Variants in PCDHGB5 observed in about 807,000 individuals in gnomAD.
The protein encoded by PCDHGB5 is protocadherin gamma-B5.
In PCDHGB5, 48 loss-of-function variants were observed where a neutral mutation model predicts 62.9. The ratio of observed to expected loss-of-function variants is 0.76; its 90% confidence interval spans 0.61 to 0.97. The LOEUF (loss-of-function observed/expected upper bound fraction) is 0.97, where lower values mean the gene tolerates loss of function less well. Among genes scored for constraint, PCDHGB5 ranks in the 50% least tolerant of loss-of-function variants. The pLI, the probability that PCDHGB5 is intolerant of heterozygous loss-of-function variation, is 0.00. For missense variants in PCDHGB5, 1,118 were observed against 1,198.6 expected (o/e 0.93, Z 0.99); for synonymous variants, 474 against 511.2 (o/e 0.93, Z 0.98).
chr5:141,460,766 A>G (rs1370331016), intron 1 of PCDHGB5, among the ~76,000 whole-genome samples: 1 of 152,056 alleles, frequency 6.6e-6, no homozygotes, highest in Non-Finnish European at 1.5e-5. Flanking sequence ...TACATATTGC[A>G]TATGTATGTA....
At chr5:141,478,498 G>T in intron 1 of PCDHGB5, 1 of 1,612,710 alleles carries the variant, frequency 6.2e-7, no homozygotes, top group South Asian at 1.1e-5. Context: ...GCTGTGATCC[G>T]GTGTTCTATA....
At chr5:141,408,557 G>A in intron 1 of PCDHGB5, 6 of 1,614,046 alleles carry the variant, frequency 3.7e-6, no homozygotes, top group Non-Finnish European at 5.1e-6. Flanking sequence ...TATTTTTCAT[G>A]TCATTGTGGT....
chr5:141,502,500 G>C (rs1398797155), intron 2 of PCDHGB5, among the ~76,000 whole-genome samples: 1 of 152,046 alleles, frequency 6.6e-6, no homozygotes, highest in Non-Finnish European at 1.5e-5. Flanking sequence ...ATCTAACGTC[G>C]GCCTGTCCCA....
Position 141,431,711 on chromosome 5 carries a change from G to T in PCDHGB5, c.2397+31187G>T. On this transcript the variant is annotated intron_variant, in intron 1 of 3. Coordinates refer to ENST00000617380, the MANE Select transcript of PCDHGB5 (RefSeq NM_018925.3). This position sits in a 1 kb window ranked among gnomAD's most constrained non-coding sequence, Gnocchi z 4.8. ...CGAGGAGTCAGGATTCTACCAGATG[G>T]AAGTGCAAGCAATGGATAATGCAGG... 1 of 1,614,230 alleles carries T rather than the reference G, an allele frequency of 6.2e-7. No homozygotes were observed. The highest frequency in any genetic ancestry group is 1.1e-5 in the South Asian group (1 of 91,092).
In PCDHGB5 at chr5:141,476,962, C is replaced by A. The variant is rs2099402286; in HGVS notation, c.2398-17845C>A. On this transcript the variant is annotated intron_variant, in intron 1 of 3. Coordinates refer to ENST00000617380, the MANE Select transcript of PCDHGB5 (RefSeq NM_018925.3). This position sits in a 1 kb window ranked among gnomAD's most constrained non-coding sequence, Gnocchi z 7.6. ...GCCCCAACGGTGAAATTATTTACTCCTTCGGCAGCCACAACCGCGCCGGCG... is the reference window on the plus strand; with the variant it reads ...GCCCCAACGGTGAAATTATTTACTCATTCGGCAGCCACAACCGCGCCGGCG... 2 of 1,614,200 alleles carry A rather than the reference C, an allele frequency of 1.2e-6. No individual in the cohort carries two copies. The highest frequency in any genetic ancestry group is 1.7e-6 in the Non-Finnish European group (2 of 1,180,042).
At chr5:141,458,172 T>C (rs1023447659) in intron 1 of PCDHGB5, among the ~76,000 whole-genome samples, 2 of 152,216 alleles carry the variant, frequency 1.3e-5, no homozygotes, top group African/African-American at 4.8e-5. Flanking sequence ...CACAGTAGTA[T>C]ACCTTACTTG....
intron 1 of PCDHGB5, among the ~76,000 whole-genome samples, chr5:141,474,243 G>GA (rs1161758975): frequency 2.6e-5 from 4 of 152,050 alleles, no homozygotes; most frequent in Admixed American, 1.3e-4. Context: ...CTGAATAGGG[G>GA]AAAAAAAGAC....
chr5:141,414,472 A>G (rs1039987036), intron 1 of PCDHGB5: 1 of 1,613,914 alleles, frequency 6.2e-7, no homozygotes, highest in African/African-American at 1.3e-5. Flanking sequence ...AGATGGGGGA[A>G]GTCCTCCTCT....
At chr5:141,438,741 A>T (rs1184994731) in intron 1 of PCDHGB5, among the ~76,000 whole-genome samples, 3 of 148,914 alleles carry the variant, frequency 2.0e-5, no homozygotes, top group South Asian at 2.1e-4. Context: ...AGCTCACTGC[A>T]ACCTCTGCCT....
intron 1 of PCDHGB5, among the ~76,000 whole-genome samples, chr5:141,462,382 C>T (rs80320684): frequency 0.016 from 2,433 of 152,148 alleles, 70 homozygotes; most frequent in African/African-American, 0.055. Flanking sequence ...CTTTTAAATT[C>T]GTTAACATTT....
At chr5:141,404,795 G>C (rs769293241) in intron 1 of PCDHGB5, 4 of 1,614,042 alleles carry the variant, frequency 2.5e-6, no homozygotes, top group Admixed American at 1.7e-5. Flanking sequence ...CAGTGAGCCA[G>C]GGCTCTTCTC....
intron 1 of PCDHGB5, chr5:141,404,648 G>A (rs1178706213): frequency 6.2e-7 from 1 of 1,614,030 alleles, no homozygotes; most frequent in Non-Finnish European, 8.5e-7. Context: ...CCTGTACCCT[G>A]CCCTCCCCAC....
chr5:141,421,912 A>G (rs1207036091), intron 1 of PCDHGB5: 2 of 1,613,696 alleles, frequency 1.2e-6, no homozygotes, highest in Admixed American at 1.7e-5. Context: ...CGCAGTTCCC[A>G]TTCGTGTGGT....
At chr5:141,469,610 AAAAT>A (rs1360697662) in intron 1 of PCDHGB5, among the ~76,000 whole-genome samples, 1 of 152,194 alleles carries the variant, frequency 6.6e-6, no homozygotes, top group Non-Finnish European at 1.5e-5. Context: ...TAAGTAAAAT[AAAAT>A]AAATGTTTGT....
Position 141,510,968 on chromosome 5 carries a change from C to A in PCDHGB5, c.2567C>A (p.Thr856Asn). 1 of 1,614,150 alleles carries A rather than the reference C, an allele frequency of 6.2e-7. No individual in the cohort carries two copies. The highest frequency in any genetic ancestry group is 8.5e-7 in the Non-Finnish European group (1 of 1,180,014). The change falls in exon 4 of 4, where the codon ACC becomes AAC. Residue 856 changes from threonine (T) to asparagine (N), a missense_variant. Transcript: ENST00000617380. ...SASEAADGSS[T>N]LGGGAGTMGL... ...GCAGAAGCTGCTGATGGGAGCTCCA[C>A]CCTGGGAGGGGGTGCCGGCACCATG...
intron 1 of PCDHGB5, chr5:141,410,113 A>G (rs760617436): frequency 3.4e-5 from 55 of 1,612,436 alleles, no homozygotes; most frequent in Non-Finnish European, 4.6e-5. Flanking sequence ...ACAGGGACGC[A>G]GCCCGCCAGC....
chr5:141,406,159 A>G (rs1237857279), intron 1 of PCDHGB5, among the ~76,000 whole-genome samples: 3 of 151,234 alleles, frequency 2.0e-5, no homozygotes, highest in Non-Finnish European at 2.9e-5. Context: ...TGCAGTCTCA[A>G]TCTCCTGGGC....
At chr5:141,473,205 A>G (rs370808895) in intron 1 of PCDHGB5, among the ~76,000 whole-genome samples, 1 of 152,036 alleles carries the variant, frequency 6.6e-6, no homozygotes, top group African/African-American at 2.4e-5. Flanking sequence ...CTTCTAAAAA[A>G]TGCTTACTTC....
In PCDHGB5 at chr5:141,432,143, C is replaced by G; in HGVS notation, c.2397+31619C>G. 2 of 1,614,084 alleles carry G rather than the reference C, an allele frequency of 1.2e-6. No homozygotes were observed. Among genetic ancestry groups the G allele is most frequent in the Non-Finnish European group, 1.7e-6 (2 of 1,180,006 alleles). Reference sequence around the variant, plus strand: ...TCAGGCCTCCTATTCCGCTTATATCCCAGAGAACAATCCCAGAGGAGTTTC... The same window carrying G: ...TCAGGCCTCCTATTCCGCTTATATCGCAGAGAACAATCCCAGAGGAGTTTC... On this transcript the variant is annotated intron_variant, in intron 1 of 3. Coordinates refer to ENST00000617380, the MANE Select transcript of PCDHGB5 (RefSeq NM_018925.3). This position sits in a 1 kb window ranked among gnomAD's most constrained non-coding sequence, Gnocchi z 6.0.
Sources: allele counts gnomAD v4.1 joint callset (sites outside exome capture counted in the v4.1 genomes callset), GRCh38; gene constraint gnomAD v4.1.1; non-coding constraint Gnocchi (gnomAD v3.1); transcripts MANE v1.5; gene names NCBI Gene and HGNC (gene_info 2026-07-23, HGNC 2026-07-21).